Variants in PKP4 observed in about 807,000 individuals in gnomAD.
PKP4 encodes the protein plakophilin-4.
A neutral mutation model predicts 145.1 loss-of-function variants in PKP4; 90 were observed. That is an observed-to-expected ratio of 0.62 (90% CI 0.52 to 0.74). The LOEUF (loss-of-function observed/expected upper bound fraction) is 0.74, where lower values mean the gene tolerates loss of function less well. Ranked by LOEUF, PKP4 falls within the 30% of genes least tolerant of loss-of-function variation. The probability of loss-of-function intolerance (pLI) is 0.00; values close to 1 mark genes in which losing one functional copy is unlikely to be tolerated. For missense variants in PKP4, 1,340 were observed against 1,482.7 expected, an observed-to-expected ratio of 0.90 and a Z score of 1.58; for synonymous variants, 563 against 577.2, an observed-to-expected ratio of 0.98 and a Z score of 0.35.
rs185359737 is a variant in PKP4 at position 158,656,087 on chromosome 2, A to G, written c.1910-2044A>G. 4.1e-4 allele frequency among the ~76,000 whole-genome samples: 63 copies of G among 152,304 alleles called. 1 individual carries two copies. The highest frequency in any genetic ancestry group is 1.1e-3 in the African/African-American group (44 of 41,556). ...CTTTTAGATTTGAAACAGAAACCCA[A>G]TTAAGCCCAAAATTGAGCATAGATA... On this transcript the variant is annotated intron_variant, in intron 11 of 21. Coordinates refer to ENST00000389759, the MANE Select transcript of PKP4 (RefSeq NM_003628.6).
intron 2 of PKP4, among the ~76,000 whole-genome samples, chr2:158,575,417 C>A (rs1472165662): frequency 6.6e-6 from 1 of 152,188 alleles, no homozygotes; most frequent in South Asian, 2.1e-4. Context: ...CAGGAACTTT[C>A]CCAGCCATTT....
intron 1 of PKP4, among the ~76,000 whole-genome samples, chr2:158,504,530 G>A (rs1470435858): frequency 1.3e-5 from 2 of 152,194 alleles, no homozygotes; most frequent in Non-Finnish European, 2.9e-5. Context: ...GAGGAGACAA[G>A]TTAAACATAA....
At chr2:158,575,326 G>T (rs1204882922) in intron 2 of PKP4, among the ~76,000 whole-genome samples, 2 of 152,140 alleles carry the variant, frequency 1.3e-5, no homozygotes, top group African/African-American at 4.8e-5. Context: ...TGGCATGAGT[G>T]TACTTTCTTG....
chr2:158,493,581 G>A (rs542258893), intron 1 of PKP4, among the ~76,000 whole-genome samples: 1 of 152,208 alleles, frequency 6.6e-6, no homozygotes, highest in Non-Finnish European at 1.5e-5. Flanking sequence ...CTGCTGCACA[G>A]TGTCATTAAT....
At chr2:158,511,364 G>C (rs1033359524) in intron 1 of PKP4, among the ~76,000 whole-genome samples, 6 of 152,036 alleles carry the variant, frequency 3.9e-5, no homozygotes, top group African/African-American at 7.2e-5. Context: ...CCAGCCTCGG[G>C]GGGAGAGTGA....
chr2:158,676,955 T>A (rs759371841), intron 20 of PKP4, 88 bp downstream of exon 20: 6 of 1,488,798 alleles, frequency 4.0e-6, no homozygotes, highest in Non-Finnish European at 5.6e-6. Flanking sequence ...TAGCCTGTGC[T>A]TGTATTGAGA....
chr2:158,558,411 G>A (rs2046266021), intron 2 of PKP4, among the ~76,000 whole-genome samples: 1 of 152,112 alleles, frequency 6.6e-6, no homozygotes, highest in African/African-American at 2.4e-5. Context: ...AGAGGAGGCA[G>A]GGTGGGCAAA....
At chr2:158,474,273 C>T (rs1353892067) in intron 1 of PKP4, among the ~76,000 whole-genome samples, 1 of 152,208 alleles carries the variant, frequency 6.6e-6, no homozygotes, top group Non-Finnish European at 1.5e-5. Flanking sequence ...TGAAAACAAT[C>T]GTGTCTTTCT....
chr2:158,640,524 A>G (rs2054189698), intron 9 of PKP4, 103 bp from the exon 10 acceptor site: 7 of 1,283,312 alleles, frequency 5.5e-6, no homozygotes, highest in Non-Finnish European at 7.6e-6. Flanking sequence ...GTAACTTCCC[A>G]TTTTTGTCTC....
intron 1 of PKP4, among the ~76,000 whole-genome samples, chr2:158,474,780 G>A (rs1692187303): frequency 6.6e-6 from 1 of 152,094 alleles, no homozygotes; most frequent in Admixed American, 6.6e-5. Context: ...GCACTCAGTG[G>A]GAGGCCTTCT....
intron 1 of PKP4, among the ~76,000 whole-genome samples, chr2:158,471,631 A>G (rs540353134): frequency 1.3e-5 from 2 of 152,382 alleles, no homozygotes; most frequent in South Asian, 2.1e-4. Context: ...TTGATTTGAC[A>G]TAAGCAGTAT....
chr2:158,571,009 G>A (rs1262946834), intron 2 of PKP4, among the ~76,000 whole-genome samples: 1 of 152,122 alleles, frequency 6.6e-6, no homozygotes, highest in African/African-American at 2.4e-5. Flanking sequence ...GACCAGCCTT[G>A]GGTGAGAAAG....
chr2:158,553,029 T>C (rs2045766774), intron 2 of PKP4, among the ~76,000 whole-genome samples: 2 of 152,158 alleles, frequency 1.3e-5, no homozygotes, highest in Admixed American at 1.3e-4. Flanking sequence ...AGCTGAATTG[T>C]CTCTCCCAGT....
At position 158,661,370 on chromosome 2, in the gene PKP4, A is replaced by T. The variant is rs773442211; in HGVS notation, c.2131A>T (p.Met711Leu). The T allele has an allele frequency of 6.3e-5, 102 of 1,613,840 alleles. No homozygotes were observed. The highest frequency in any genetic ancestry group is 8.4e-5 in the Non-Finnish European group (99 of 1,179,802). ...SSAGEEARKQMRSCEGLVDSL... is the reference protein window; with the variant it reads ...SSAGEEARKQLRSCEGLVDSL... ...CGCGGGGGAAGAAGCTCGGAAGCAA[A>T]TGCGGTCCTGCGAGGGGCTGGTAGA... The change falls in exon 13 of 22, where the codon ATG becomes TTG. Residue 711 changes from methionine to leucine, a missense_variant. Physicochemically the swap from Met to Leu is conservative, Grantham distance 15. Transcript: ENST00000389759.
intron 15 of PKP4, among the ~76,000 whole-genome samples, chr2:158,664,682 GT>G (rs1214309264): frequency 6.6e-6 from 1 of 152,200 alleles, no homozygotes; most frequent in African/African-American, 2.4e-5. Context: ...TGGTTATTTT[GT>G]TGTGGCTCCT....
chr2:158,631,660 G>A lies in PKP4; in HGVS notation c.1154-93G>A, dbSNP rs543171596. 40 of 1,100,082 alleles carry A rather than the reference G, an allele frequency of 3.6e-5. No individual in the cohort carries two copies. In the African/African-American group the frequency reaches 3.9e-4, roughly 11 times the overall value. 68.1% of individuals were successfully genotyped at this position (1,100,082 alleles called of 1,614,324 possible). A position where few individuals can be genotyped will look rare whatever the true frequency, so the allele number is the denominator to read the frequency against. On this transcript the variant is annotated intron_variant, in intron 7 of 21. Transcript: ENST00000389759. ...CCCACCTCTGTCTCCCAAAGTGCTG[G>A]GATTACAGGGGTTAGGAATTTAATT... is the stretch of plus-strand genomic sequence containing the variant.
intron 2 of PKP4, 96 bp from the exon 3 acceptor site, chr2:158,577,175 A>G (rs1052117670): frequency 2.9e-6 from 2 of 701,270 alleles, no homozygotes; most frequent in African/African-American, 1.8e-5. Context: ...TGTTATGGGT[A>G]CGTTCCTATG....
At chr2:158,616,822 C>T (rs2051671515) in intron 4 of PKP4, among the ~76,000 whole-genome samples, 1 of 152,136 alleles carries the variant, frequency 6.6e-6, no homozygotes, top group African/African-American at 2.4e-5. Context: ...ACTACAGACC[C>T]TGTTTCGTAC....
At chr2:158,530,612 A>T (rs1161714484) in intron 1 of PKP4, among the ~76,000 whole-genome samples, 1 of 143,510 alleles carries the variant, frequency 7.0e-6, no homozygotes. Context: ...TCTTACAATT[A>T]TGAAAACTAC....
Sources: allele counts gnomAD v4.1 joint callset (sites outside exome capture counted in the v4.1 genomes callset), GRCh38; gene constraint gnomAD v4.1.1; transcripts MANE v1.5; gene names NCBI Gene and HGNC (gene_info 2026-07-23, HGNC 2026-07-21).